Variants in MOB3B observed in about 807,000 individuals in gnomAD.
MOB3B encodes MOB kinase activator-like 2B.
In MOB3B, 7 loss-of-function variants were observed where a neutral mutation model predicts 18.7. The observed-to-expected ratio is 0.37, with a 90% CI of 0.21 to 0.70. The LOEUF is 0.70. Among genes scored for constraint, MOB3B ranks in the 30% least tolerant of loss-of-function variants. The pLI, the probability that MOB3B is intolerant of heterozygous loss-of-function variation, is 0.52. For missense variants in MOB3B, 253 were observed against 281.3 expected (o/e 0.90, Z 0.72); for synonymous variants, 111 against 99.9 (o/e 1.11, Z -0.66).
chr9:27,465,475 G>A (rs779597190), intron 1 of MOB3B, among the ~76,000 whole-genome samples: 3 of 152,140 alleles, frequency 2.0e-5, no homozygotes, highest in African/African-American at 4.8e-5. Flanking sequence ...TTTTCCAGGT[G>A]CACAGTGCAA....
chr9:27,378,763 G>C (rs1349789706), intron 2 of MOB3B: 1 of 445,980 alleles, frequency 2.2e-6, no homozygotes. Flanking sequence ...GGAAATGAAG[G>C]TCTTATCACA....
chr9:27,390,687 C>A (rs115441653), intron 2 of MOB3B, among the ~76,000 whole-genome samples: 2 of 152,066 alleles, frequency 1.3e-5, no homozygotes, highest in African/African-American at 4.8e-5. Flanking sequence ...AGACTAAGGG[C>A]GGAGAACTTA....
rs769593320 is a variant in MOB3B at position 27,359,177 on chromosome 9, G to A, written c.478C>T (p.Arg160Trp). 6 of 1,614,092 alleles carry A rather than the reference G, an allele frequency of 3.7e-6. No individual in the cohort carries two copies. The highest frequency in any genetic ancestry group is 1.3e-5 in the African/African-American group (1 of 74,994). Reference protein sequence around the residue: ...ICKKILCRLFRVFVHVYIHHF... With the variant: ...ICKKILCRLFWVFVHVYIHHF... Reference sequence around the variant, plus strand: ...TGGATATAGACGTGGACAAAGACCCGGAAAAGGCGGCACAGGATCTTCTTG... The same window carrying A: ...TGGATATAGACGTGGACAAAGACCCAGAAAAGGCGGCACAGGATCTTCTTG... Residue 160 changes from arginine (R) to tryptophan (W), a missense_variant, in exon 3 of 4, where the codon CGG becomes TGG. Physicochemically the swap from Arg to Trp is moderately radical, Grantham distance 101. Coordinates refer to ENST00000262244, the MANE Select transcript of MOB3B (RefSeq NM_024761.5).
At chr9:27,519,889 A>T (rs974372808) in intron 1 of MOB3B, among the ~76,000 whole-genome samples, 2 of 151,894 alleles carry the variant, frequency 1.3e-5, no homozygotes, top group African/African-American at 4.8e-5. Context: ...TAGTTGCCAG[A>T]GGTGACTGCG....
At chr9:27,503,303 C>T (rs1820015237) in intron 1 of MOB3B, among the ~76,000 whole-genome samples, 1 of 152,230 alleles carries the variant, frequency 6.6e-6, no homozygotes, top group Non-Finnish European at 1.5e-5. Context: ...AGTAACTTTT[C>T]ATTTCAAGTT....
intron 1 of MOB3B, among the ~76,000 whole-genome samples, chr9:27,495,466 C>T (rs1819884715): frequency 6.6e-6 from 1 of 152,166 alleles, no homozygotes; most frequent in African/African-American, 2.4e-5. Context: ...GACATTTCCA[C>T]CATAGCTCGT....
intron 2 of MOB3B, among the ~76,000 whole-genome samples, chr9:27,420,056 G>T (rs1293853689): frequency 1.3e-5 from 2 of 152,062 alleles, no homozygotes; most frequent in Admixed American, 6.6e-5. Context: ...GAAAAAAAAT[G>T]TTCAACATCA....
chr9:27,471,560 G>T (rs1336097464), intron 1 of MOB3B, among the ~76,000 whole-genome samples: 1 of 152,146 alleles, frequency 6.6e-6, no homozygotes, highest in Non-Finnish European at 1.5e-5. Flanking sequence ...GGGCTCTGGA[G>T]CTTACTATAT....
chr9:27,441,027 A>G (rs896898474), intron 2 of MOB3B, among the ~76,000 whole-genome samples: 3 of 152,166 alleles, frequency 2.0e-5, no homozygotes, highest in African/African-American at 7.2e-5. Flanking sequence ...TGCAGTTCAC[A>G]ATAGGGTCCG....
chr9:27,351,023 C>A (rs1821097714), intron 3 of MOB3B, among the ~76,000 whole-genome samples: 2 of 152,034 alleles, frequency 1.3e-5, no homozygotes, highest in Admixed American at 1.3e-4. Flanking sequence ...CTGCCTCAGC[C>A]TCCTGAGTAG....
At chr9:27,345,863 G>A (rs1821025289) in intron 3 of MOB3B, among the ~76,000 whole-genome samples, 1 of 152,208 alleles carries the variant, frequency 6.6e-6, no homozygotes, top group Non-Finnish European at 1.5e-5. Context: ...GGAGCTGGAG[G>A]CCCTTGGAAA....
chr9:27,345,433 C>T (rs1207703024), intron 3 of MOB3B, among the ~76,000 whole-genome samples: 1 of 152,062 alleles, frequency 6.6e-6, no homozygotes, highest in Non-Finnish European at 1.5e-5. Context: ...AAGTACTGCT[C>T]TAAGTAGTTG....
In MOB3B at chr9:27,444,178, G is replaced by A. The variant is rs62541579; in HGVS notation, c.418+10955C>T. On this transcript the variant is annotated intron_variant, in intron 2 of 3. Transcript: ENST00000262244. ...AAGAAGGAAGGAAGGAAGGAAAGAA[G>A]GAAGGAAAGAAAGAAAGAAAGAAAA... Among the ~76,000 whole-genome samples the A allele has an allele frequency of 8.7e-3, 954 of 109,358 alleles. 8 individuals carry two copies. Among genetic ancestry groups the A allele is most frequent in the African/African-American group, 0.027 (766 of 28,574 alleles). The allele number at this position is 109,358 out of a possible 152,430, so 71.7% of individuals were successfully genotyped here.
intron 2 of MOB3B, among the ~76,000 whole-genome samples, chr9:27,441,568 T>C (rs903713905): frequency 2.6e-5 from 4 of 152,272 alleles, no homozygotes; most frequent in Admixed American, 2.0e-4. Flanking sequence ...AAAGGGAAGG[T>C]TCTTGTCCCA....
At chr9:27,391,022 T>A (rs182312701) in intron 2 of MOB3B, among the ~76,000 whole-genome samples, 16 of 152,340 alleles carry the variant, frequency 1.1e-4, no homozygotes, top group African/African-American at 3.8e-4. Flanking sequence ...TTACTCAGTC[T>A]ACAGCATTTT....
chr9:27,410,849 T>C (rs1221451626), intron 2 of MOB3B, among the ~76,000 whole-genome samples: 2 of 152,258 alleles, frequency 1.3e-5, no homozygotes, highest in African/African-American at 4.8e-5. Flanking sequence ...TTTCTCTCTA[T>C]ATAGCTATAT....
intron 2 of MOB3B, among the ~76,000 whole-genome samples, chr9:27,433,372 A>G (rs1482885908): frequency 6.6e-6 from 1 of 152,200 alleles, no homozygotes; most frequent in East Asian, 1.9e-4. Flanking sequence ...CTTAAGCAGT[A>G]AGATGATTTT....
chr9:27,375,027 C>T (rs1026369597), intron 2 of MOB3B, among the ~76,000 whole-genome samples: 1 of 152,202 alleles, frequency 6.6e-6, no homozygotes, highest in Non-Finnish European at 1.5e-5. Context: ...CACCATGGGG[C>T]CACCCCAGAG....
chr9:27,423,038 C>T lies in MOB3B; in HGVS notation c.418+32095G>A, dbSNP rs1045261782. On this transcript the variant is annotated intron_variant, in intron 2 of 3. Transcript: ENST00000262244. The stretch of plus-strand genomic sequence containing the variant: ...AAAATACTACAGAGCTGAGGCTTTA[C>T]TTATGGGTCCACATGGAGAGCCAGA... 3.9e-5 allele frequency among the ~76,000 whole-genome samples: 6 copies of T among 152,274 alleles called. No homozygotes were observed. The South Asian group carries it at 1.0e-3, about 26-fold the overall frequency.
Sources: gnomAD v4.1 joint callset for allele counts (sites outside exome capture counted in the v4.1 genomes callset) on GRCh38, gnomAD v4.1.1 for gene constraint, MANE v1.5 for transcripts, NCBI Gene and HGNC (gene_info 2026-07-23, HGNC 2026-07-21) for gene names.